The following SCP2 variants were observed in gnomAD, a reference collection of about 807,000 sequenced individuals.
SCP2 encodes sterol carrier protein 2, also known as SCP-2/3-oxoacyl-CoA thiolase.
A neutral mutation model predicts 71.4 loss-of-function variants in SCP2; 48 were observed. The observed-to-expected ratio is 0.67, with a 90% CI of 0.53 to 0.86. SCP2 has a LOEUF of 0.86. Ranked by LOEUF, SCP2 falls within the 40% of genes least tolerant of loss-of-function variation. SCP2 has a pLI of 0.00. For missense variants in SCP2, 560 were observed against 655.6 expected (o/e 0.85, Z 1.59); for synonymous variants, 220 against 218.1 (o/e 1.01, Z -0.08).
At chr1:52,955,814 G>A (rs746075444) in intron 5 of SCP2, among the ~76,000 whole-genome samples, 6 of 151,960 alleles carry the variant, frequency 3.9e-5, no homozygotes, top group Non-Finnish European at 7.4e-5. Context: ...ATTGAGAACC[G>A]AAAGGAAGAA....
At chr1:53,037,929 C>CACACACACAG (rs1557627796) in intron 13 of SCP2, among the ~76,000 whole-genome samples, 11 of 120,860 alleles carry the variant, frequency 9.1e-5, no homozygotes, top group African/African-American at 3.2e-4. Flanking sequence ...CACACACACA[C>CACACACACAG]AGATCCAGAT....
rs1275021685 is a variant in SCP2, at chr1:53,039,026, GA to G, written c.1449del (p.Ser484GlnfsTer24). On this transcript the variant is annotated frameshift_variant, in exon 14 of 16. Coordinates refer to ENST00000371514, the MANE Select transcript of SCP2 (RefSeq NM_002979.5). LOFTEE classifies it high-confidence loss of function. ...TWVVDVKNGKGSVLPNSDKKA... is the reference protein window; with the variant it reads ...TWVVDVKNGKXSVLPNSDKKA... ...GTGGTGGATGTGAAGAATGGCAAAGGATCAGTGCTTCCTAACTCAGGTTAGT... is the reference window on the plus strand; with the variant it reads ...GTGGTGGATGTGAAGAATGGCAAAGGTCAGTGCTTCCTAACTCAGGTTAGT... The G allele has an allele frequency of 6.2e-7, 1 of 1,614,098 alleles. No individual in the cohort carries two copies. The highest frequency in any genetic ancestry group is 8.5e-7 in the Non-Finnish European group (1 of 1,180,044).
chr1:52,963,686 A>G (rs1656682512), intron 6 of SCP2: 1 of 152,156 alleles, frequency 6.6e-6, no homozygotes, highest in Admixed American at 6.6e-5. Flanking sequence ...CATCTTAGAT[A>G]TTTTACACAC....
chr1:53,013,796 A>G (rs932596097), intron 11 of SCP2, among the ~76,000 whole-genome samples: 1 of 150,642 alleles, frequency 6.6e-6, no homozygotes, highest in African/African-American at 2.4e-5. Flanking sequence ...GTACTCAGGA[A>G]TTGGAAGTTG....
At chr1:53,021,436 C>A (rs938278067) in intron 12 of SCP2, among the ~76,000 whole-genome samples, 2 of 151,060 alleles carry the variant, frequency 1.3e-5, no homozygotes, top group Admixed American at 6.6e-5. Flanking sequence ...CCTGCCTCAG[C>A]CTCTTGAGTA....
chr1:53,007,993 A>G (rs1660738872), intron 11 of SCP2, among the ~76,000 whole-genome samples: 1 of 152,218 alleles, frequency 6.6e-6, no homozygotes, highest in East Asian at 1.9e-4. Flanking sequence ...AGATAATACT[A>G]TAAACACCTC....
In SCP2 at chr1:52,978,382, C is replaced by T. The variant is rs201469062; in HGVS notation, c.825+15C>T. The T allele has an allele frequency of 1.4e-4, 232 of 1,600,184 alleles. 1 individual carries two copies. Among genetic ancestry groups the T allele is most frequent in the Non-Finnish European group, 1.4e-4 (161 of 1,167,614 alleles). Reference sequence around the variant, plus strand: ...TTATTAAAATGGTATGTCTGAGATTCTATTTGTTATTTTTATTTTTAAGAT... The same window carrying T: ...TTATTAAAATGGTATGTCTGAGATTTTATTTGTTATTTTTATTTTTAAGAT... On this transcript the variant is annotated intron_variant, in intron 9 of 15. Transcript: ENST00000371514.
intron 13 of SCP2, among the ~76,000 whole-genome samples, chr1:53,030,315 G>T (rs1393826678): frequency 6.6e-6 from 1 of 152,010 alleles, no homozygotes; most frequent in Non-Finnish European, 1.5e-5. Flanking sequence ...TAAATTTCCT[G>T]TTGCACTCAT....
chr1:53,001,449 A>G (rs545572933), intron 11 of SCP2, among the ~76,000 whole-genome samples: 2 of 152,368 alleles, frequency 1.3e-5, no homozygotes, highest in East Asian at 3.9e-4. Flanking sequence ...CTTCTTGCCT[A>G]TACAAACTCT....
At position 53,010,587 on chromosome 1, in the gene SCP2, T is replaced by C. The variant is rs999998974; in HGVS notation, c.1082-4303T>C. On this transcript the variant is annotated intron_variant, in intron 11 of 15. Coordinates refer to ENST00000371514, the MANE Select transcript of SCP2 (RefSeq NM_002979.5). ...GGTGGGAATTGAACAATGAGAACAC[T>C]TGGACACATGGTGGGGAACATCACA... Among the ~76,000 whole-genome samples, 3 of 152,108 alleles carry C rather than the reference T, an allele frequency of 2.0e-5. No homozygotes were observed. The East Asian group carries it at 5.8e-4, about 29-fold the overall frequency.
In SCP2 at chr1:52,927,382, C is replaced by T; in HGVS notation, c.-15C>T. On this transcript the variant is annotated 5_prime_UTR_variant, in exon 1 of 16. Coordinates refer to ENST00000371514, the MANE Select transcript of SCP2 (RefSeq NM_002979.5). Reference sequence around the variant, plus strand: ...TCGTCCGCGGCGCCCGCCCCGGTCCCGCACTGGTGCAGCCATGTCCTCTTC... The same window carrying T: ...TCGTCCGCGGCGCCCGCCCCGGTCCTGCACTGGTGCAGCCATGTCCTCTTC... The T allele has an allele frequency of 6.3e-7, 1 of 1,577,192 alleles. No homozygotes were observed.
At chr1:53,038,533 T>G (rs1330649798) in intron 13 of SCP2, among the ~76,000 whole-genome samples, 2 of 151,852 alleles carry the variant, frequency 1.3e-5, no homozygotes, top group Non-Finnish European at 2.9e-5. Context: ...GCCTCCTGAG[T>G]AGGTGGGACC....
chr1:52,964,224 T>C (rs1183785705), intron 6 of SCP2, among the ~76,000 whole-genome samples: 1 of 150,118 alleles, frequency 6.7e-6, no homozygotes, highest in Non-Finnish European at 1.5e-5. Flanking sequence ...CTTTTTTTTT[T>C]TTTTTTTGAG....
intron 12 of SCP2, among the ~76,000 whole-genome samples, chr1:53,015,372 G>A (rs1253052968): frequency 2.0e-5 from 3 of 152,164 alleles, no homozygotes; most frequent in Admixed American, 2.0e-4. Context: ...AGGTGGTTTA[G>A]GGAGTCACTA....
chr1:53,001,437 T>C (rs528619372), intron 11 of SCP2, among the ~76,000 whole-genome samples: 134 of 152,348 alleles, frequency 8.8e-4, no homozygotes, highest in African/African-American at 3.0e-3. Context: ...CAGGTTTAAT[T>C]CCTTCTTGCC....
chr1:52,993,801 A>G (rs1659725229), intron 11 of SCP2: 1 of 1,539,050 alleles, frequency 6.5e-7, no homozygotes, highest in Non-Finnish European at 8.8e-7. Flanking sequence ...ACCAAGAGGT[A>G]ATCAATATCC....
chr1:53,045,422 C>T (rs6588459), intron 14 of SCP2, among the ~76,000 whole-genome samples: 32,024 of 152,108 alleles, frequency 0.21, 5,897 homozygotes, highest in African/African-American at 0.49. Context: ...GCGAATACCC[C>T]AGAATTTATT....
intron 11 of SCP2, among the ~76,000 whole-genome samples, chr1:53,004,786 G>T (rs1660521750): frequency 6.6e-6 from 1 of 152,224 alleles, no homozygotes; most frequent in African/African-American, 2.4e-5. Flanking sequence ...GTCGGACAGT[G>T]GGTGCAGTCC....
Position 52,980,689 on chromosome 1 carries a change from T to A in SCP2, c.973+146T>A, listed in dbSNP as rs563826168. On this transcript the variant is annotated intron_variant, in intron 10 of 15. Coordinates refer to ENST00000371514, the MANE Select transcript of SCP2 (RefSeq NM_002979.5). ...GGGAAATGAATGTAAGCTGTTTTGG[T>A]AGTGGACGTTTTAGAACTTGTGGTA... 7.7e-5 allele frequency: 62 copies of A among 805,092 alleles called. No individual in the cohort carries two copies. The African/African-American group carries it at 9.9e-4, about 13-fold the overall frequency. The allele number at this position is 805,092 out of a possible 1,614,324, so 49.9% of individuals were successfully genotyped here.
Sources: gnomAD v4.1 joint callset for allele counts (sites outside exome capture counted in the v4.1 genomes callset) on GRCh38, gnomAD v4.1.1 for gene constraint, MANE v1.5 for transcripts, NCBI Gene and HGNC (gene_info 2026-07-23, HGNC 2026-07-21) for gene names.